Variants in DCHS2 observed in about 807,000 individuals in gnomAD.
The protein encoded by DCHS2 is dachsous cadherin-related 2.
A neutral mutation model predicts 182.4 loss-of-function variants in DCHS2; 142 were observed. The ratio of observed to expected loss-of-function variants is 0.78; its 90% CI spans 0.68 to 0.89. The LOEUF is 0.89. DCHS2 is among the 40% of genes least tolerant of loss of function. The pLI, the probability that DCHS2 is intolerant of heterozygous loss-of-function variation, is 0.00. For synonymous variants in DCHS2, 1,740 were observed against 1,663.3 expected (o/e 1.05, Z -1.12); for missense variants, 4,319 against 4,198.6 (o/e 1.03, Z -0.79).
rs527810350 is a variant in DCHS2 at position 154,432,163 on chromosome 4, A to G, written c.2053-54719T>C. Among the ~76,000 whole-genome samples the G allele has an allele frequency of 8.5e-4, 130 of 152,326 alleles. 1 individual carries two copies. The highest frequency in any genetic ancestry group is 3.0e-3 in the African/African-American group (124 of 41,584). On this transcript the variant is annotated intron_variant, in intron 1 of 19. Coordinates refer to ENST00000357232, the MANE Select transcript of DCHS2 (RefSeq NM_001358235.2). ...AAGAGATCATAAAACAAATCATTTT[A>G]AAAAGATGATGTTAGCTATTTTGTC... is the stretch of plus-strand genomic sequence containing the variant.
intron 13 of DCHS2, among the ~76,000 whole-genome samples, chr4:154,296,692 A>T (rs1734939352): frequency 6.6e-6 from 1 of 152,156 alleles, no homozygotes; most frequent in African/African-American, 2.4e-5. Context: ...TTGTTTTCTT[A>T]AAAGAATAAG....
intron 9 of DCHS2, among the ~76,000 whole-genome samples, chr4:154,319,952 G>T (rs550404915): frequency 6.6e-6 from 1 of 151,060 alleles, no homozygotes; most frequent in South Asian, 2.1e-4. Context: ...TTAATCGGCA[G>T]ATGAATGGAT....
At chr4:154,343,730 CACTCAA>C in intron 3 of DCHS2, 1 of 1,215,418 alleles carries the variant, frequency 8.2e-7, no homozygotes, top group South Asian at 4.1e-5. Flanking sequence ...CTATCCAGAC[CACTCAA>C]ACTTTCTGAC....
intron 1 of DCHS2, among the ~76,000 whole-genome samples, chr4:154,437,618 C>T (rs571556128): frequency 4.6e-5 from 7 of 152,162 alleles, no homozygotes; most frequent in South Asian, 2.1e-4. Flanking sequence ...TGCTATGGCC[C>T]CTGACATTTT....
chr4:154,237,859 C>T (rs1232729831), intron 19 of DCHS2, among the ~76,000 whole-genome samples: 2 of 152,124 alleles, frequency 1.3e-5, no homozygotes, highest in East Asian at 1.9e-4. Context: ...TGAACTAAAT[C>T]GGCCATCATT....
At chr4:154,334,133 A>G (rs1370866133) in intron 4 of DCHS2, 1 of 152,572 alleles carries the variant, frequency 6.6e-6, no homozygotes, top group Admixed American at 6.5e-5. Flanking sequence ...TTTTAAATAT[A>G]TTTGAGGAAG....
intron 1 of DCHS2, among the ~76,000 whole-genome samples, chr4:154,411,843 T>C (rs1287590584): frequency 1.3e-5 from 2 of 152,166 alleles, no homozygotes; most frequent in Non-Finnish European, 1.5e-5. Flanking sequence ...ACCTTACATA[T>C]ACAAAATACA....
chr4:154,360,545 C>A lies in DCHS2; in HGVS notation c.2476+5665G>T, dbSNP rs1490903895. Among the ~76,000 whole-genome samples, 3 of 152,036 alleles carry A rather than the reference C, an allele frequency of 2.0e-5. No homozygotes were observed. The East Asian group carries it at 5.8e-4, about 29-fold the overall frequency. On this transcript the variant is annotated intron_variant, in intron 3 of 19. Coordinates refer to ENST00000357232, the MANE Select transcript of DCHS2 (RefSeq NM_001358235.2). ...TATTTGGCAGGAACAGGCTCACATC[C>A]CTTATGAAATGAGGTGTGGTATTAA... is the stretch of plus-strand genomic sequence containing the variant.
rs1304806558 is a variant in DCHS2, at chr4:154,240,714, A to G, written c.7182T>C (p.Ala2394=). ...CCACCACTCCAGTGTTCTGATCAAT[A>G]GCAAACTTGGTTCCAGGATTACTCT... ...AKESNPGTKF[A]IDQNTGVVVL... Residue 2394 remains alanine, a synonymous_variant, in exon 18 of 20, where the codon GCT becomes GCC. Coordinates refer to ENST00000357232, the MANE Select transcript of DCHS2 (RefSeq NM_001358235.2). 1 of 1,614,006 alleles carries G rather than the reference A, an allele frequency of 6.2e-7. No individual in the cohort carries two copies. Among genetic ancestry groups the G allele is most frequent in the Non-Finnish European group, 8.5e-7 (1 of 1,179,926 alleles).
At position 154,366,219 on chromosome 4, in the gene DCHS2, A is replaced by G; in HGVS notation, c.2467T>C (p.Ser823Pro). The part of the protein sequence containing the change: ...GNVSSLFTID[S>P]TTGIIYLTLP... ...TTCCAAGATCACATACCTGTGGTGGAGTCAATGGTAAAAAGGGACGACACG... is the reference window on the plus strand; with the variant it reads ...TTCCAAGATCACATACCTGTGGTGGGGTCAATGGTAAAAAGGGACGACACG... Residue 823 changes from serine to proline, a missense_variant, in exon 3 of 20, where the codon TCC (serine) becomes CCC (proline). By Grantham distance (74) the Ser-to-Pro change is moderately conservative. Transcript: ENST00000357232. The G allele has an allele frequency of 6.2e-7, 1 of 1,611,978 alleles. No individual in the cohort carries two copies. Among genetic ancestry groups the G allele is most frequent in the Non-Finnish European group, 8.5e-7 (1 of 1,178,382 alleles).
rs778940410 is a variant in DCHS2, at chr4:154,417,158, AGTGTGTGTGT to A, written c.2053-39724_2053-39715del. Among the ~76,000 whole-genome samples the A allele has an allele frequency of 3.5e-3, 277 of 79,936 alleles. 2 individuals are homozygous for A. Among genetic ancestry groups the A allele is most frequent in the Middle Eastern group, 0.025 (3 of 120 alleles). The allele number at this position is 79,936 out of a possible 152,430, so 52.4% of individuals were successfully genotyped here. A position where few individuals can be genotyped will look rare whatever the true frequency, so the allele number is the denominator to read the frequency against. On this transcript the variant is annotated intron_variant, in intron 1 of 19. Coordinates refer to ENST00000357232, the MANE Select transcript of DCHS2 (RefSeq NM_001358235.2). ...CTGTCACCACCTCAGGCCGGTCCCG[AGTGTGTGTGT>A]GTGTGTGTGTGTGTGTGTGTGTGTG...
At chr4:154,314,626 A>C (rs1475114703) in intron 10 of DCHS2, among the ~76,000 whole-genome samples, 1 of 152,208 alleles carries the variant, frequency 6.6e-6, no homozygotes, top group Non-Finnish European at 1.5e-5. Flanking sequence ...TTTCAAGTAA[A>C]TGTATCTTTT....
In DCHS2 at chr4:154,236,709, G is replaced by A. The variant is rs1422117787; in HGVS notation, c.7943C>T (p.Thr2648Ile). Reference protein sequence around the residue: ...SDSGCPPLSSTAVISIQVLDV... With the variant: ...SDSGCPPLSSIAVISIQVLDV... ...AAGTACTTGTATTGATATGACAGCT[G>A]TGGAACTCAATGGAGGGCAGCCACT... Residue 2648 changes from threonine to isoleucine, a missense_variant, in exon 20 of 20, where the codon ACA (threonine) becomes ATA (isoleucine). Transcript: ENST00000357232. The A allele has an allele frequency of 1.2e-6, 2 of 1,613,958 alleles. No individual in the cohort carries two copies. The highest frequency in any genetic ancestry group is 1.7e-6 in the Non-Finnish European group (2 of 1,179,958).
At chr4:154,413,278 C>T (rs1238624130) in intron 1 of DCHS2, among the ~76,000 whole-genome samples, 1 of 152,190 alleles carries the variant, frequency 6.6e-6, no homozygotes, top group Admixed American at 6.5e-5. Context: ...TAAATGTTTC[C>T]TCTTCTTCCA....
intron 2 of DCHS2, among the ~76,000 whole-genome samples, chr4:154,376,707 C>T (rs1312057504): frequency 6.6e-6 from 1 of 152,146 alleles, no homozygotes; most frequent in Non-Finnish European, 1.5e-5. Flanking sequence ...AAACAATCAG[C>T]TCTCTGTCTC....
intron 9 of DCHS2, 132 bp downstream of exon 9, chr4:154,320,247 G>A (rs559841273): frequency 2.9e-6 from 4 of 1,376,092 alleles, no homozygotes; most frequent in South Asian, 1.5e-5. Context: ...CTAGAGATAC[G>A]CTGTGCAACA....
chr4:154,286,124 G>A (rs745926060), intron 13 of DCHS2, among the ~76,000 whole-genome samples: 1 of 152,076 alleles, frequency 6.6e-6, no homozygotes, highest in African/African-American at 2.4e-5. Context: ...CCACCAAGGT[G>A]GTGCCTCTGC....
At position 154,485,538 on chromosome 4, in the gene DCHS2, A is replaced by G. The variant is rs111276001; in HGVS notation, c.2052+3766T>C. 2.9e-3 allele frequency among the ~76,000 whole-genome samples: 439 copies of G among 152,346 alleles called. 3 individuals are homozygous for G. Among genetic ancestry groups the G allele is most frequent in the African/African-American group, 9.9e-3 (413 of 41,582 alleles). On this transcript the variant is annotated intron_variant, in intron 1 of 19. Transcript: ENST00000357232. ...GAAGGGAAGGAGATGGAGAACACAC[A>G]CAATAAGCTCTGCTAGCAAGCACCT... is the stretch of plus-strand genomic sequence containing the variant.
At position 154,442,538 on chromosome 4, in the gene DCHS2, C is replaced by CA. The variant is rs1560761104; in HGVS notation, c.2052+46765_2052+46766insT. On this transcript the variant is annotated intron_variant, in intron 1 of 19. Transcript: ENST00000357232. ...TCACTGAAAAGTGGACACCCCCCCC[C>CA]CCCCACACACACACACACACACACC... Among the ~76,000 whole-genome samples the CA allele has an allele frequency of 7.7e-4, 66 of 85,532 alleles. 1 individual carries two copies. Among genetic ancestry groups the CA allele is most frequent in the African/African-American group, 2.4e-3 (62 of 25,810 alleles). The allele number at this position is 85,532 out of a possible 152,430, so 56.1% of individuals were successfully genotyped here.
Sources: gnomAD v4.1 joint callset for allele counts (sites outside exome capture counted in the v4.1 genomes callset) on GRCh38, gnomAD v4.1.1 for gene constraint, MANE v1.5 for transcripts, NCBI Gene and HGNC (gene_info 2026-07-23, HGNC 2026-07-21) for gene names.